SLC44A1: variants seen among roughly 807,000 people sequenced by gnomAD.
SLC44A1 encodes the protein solute carrier family 44 member 1, also known as choline transporter-like protein 1.
Under a neutral mutation model 79.3 loss-of-function variants are expected in SLC44A1, and 26 were observed. The ratio of observed to expected loss-of-function variants is 0.33; its 90% CI spans 0.24 to 0.46. The LOEUF (loss-of-function observed/expected upper bound fraction) is 0.46. Ranked by LOEUF, SLC44A1 falls within the 20% of genes least tolerant of loss-of-function variation. The pLI, the probability that SLC44A1 is intolerant of heterozygous loss-of-function variation, is 1.00. For synonymous variants in SLC44A1, 263 were observed against 286.2 expected, an observed-to-expected ratio of 0.92 and a Z score of 0.82; for missense variants, 688 against 798.1, an observed-to-expected ratio of 0.86 and a Z score of 1.66.
intron 1 of SLC44A1, among the ~76,000 whole-genome samples, chr9:105,257,065 T>G (rs559773048): frequency 7.3e-6 from 1 of 136,074 alleles, no homozygotes; most frequent in Non-Finnish European, 1.6e-5. Flanking sequence ...GGATTACAGG[T>G]GTGAGCCACT....
chr9:105,409,508 G>A (rs1192656971), intron 15 of SLC44A1, among the ~76,000 whole-genome samples: 1 of 152,084 alleles, frequency 6.6e-6, no homozygotes, highest in Non-Finnish European at 1.5e-5. Context: ...AACAAAACAA[G>A]ACCCTGTCTC....
In SLC44A1 at chr9:105,335,455, G is replaced by A. The variant is rs369117168; in HGVS notation, c.270-108G>A. 50 of 731,104 alleles carry A rather than the reference G, an allele frequency of 6.8e-5. No individual in the cohort carries two copies. In the Middle Eastern group the frequency reaches 8.4e-4, roughly 12 times the overall value. 45.3% of individuals were successfully genotyped at this position (731,104 alleles called of 1,614,324 possible). A position where few individuals can be genotyped will look rare whatever the true frequency, so the allele number is the denominator to read the frequency against. On this transcript the variant is annotated intron_variant, in intron 3 of 15. Coordinates refer to ENST00000374720, the MANE Select transcript of SLC44A1 (RefSeq NM_080546.5). ...ATGTATTTATGATGAGATTTTTATC[G>A]TGGAGGAATGTGGAATAGATGTTCT...
intron 2 of SLC44A1, chr9:105,299,935 A>G: frequency 1.0e-6 from 1 of 985,502 alleles, no homozygotes; most frequent in African/African-American, 1.7e-5. Flanking sequence ...TTGCTGGTAT[A>G]AGGTATTAAG....
At chr9:105,286,408 A>G (rs1384406192) in intron 1 of SLC44A1, among the ~76,000 whole-genome samples, 3 of 152,208 alleles carry the variant, frequency 2.0e-5, no homozygotes, top group Non-Finnish European at 1.5e-5. Flanking sequence ...CATCAACTTC[A>G]TAACACTTGT....
chr9:105,261,973 C>T (rs900325078), intron 1 of SLC44A1, among the ~76,000 whole-genome samples: 9 of 151,752 alleles, frequency 5.9e-5, no homozygotes, highest in East Asian at 1.9e-4. Flanking sequence ...TTAGTTGAGA[C>T]GGGGTTTCAC....
At chr9:105,430,067 C>T (rs1450678838) in intron 15 of SLC44A1, among the ~76,000 whole-genome samples, 1 of 151,978 alleles carries the variant, frequency 6.6e-6, no homozygotes, top group Non-Finnish European at 1.5e-5. Flanking sequence ...CCGCCAATGC[C>T]CGGCGAATTT....
chr9:105,351,576 GAAA>G (rs1356009726), intron 5 of SLC44A1, among the ~76,000 whole-genome samples: 16 of 128,876 alleles, frequency 1.2e-4, no homozygotes, highest in Middle Eastern at 4.0e-3. Context: ...GAGAAAGAGA[GAAA>G]GAGAGAAAGA....
At chr9:105,253,973 G>A (rs391386) in intron 1 of SLC44A1, among the ~76,000 whole-genome samples, 3,131 of 152,062 alleles carry the variant, frequency 0.021, 39 homozygotes, top group Middle Eastern at 0.089. Flanking sequence ...TGCCTGCCTC[G>A]GCCTCCCAAA....
At chr9:105,304,269 A>G (rs1300219015) in intron 2 of SLC44A1, among the ~76,000 whole-genome samples, 2 of 152,216 alleles carry the variant, frequency 1.3e-5, no homozygotes, top group East Asian at 3.9e-4. Flanking sequence ...GATTCACTGC[A>G]GTATTTAGAC....
chr9:105,297,041 C>T (rs1004681230), intron 1 of SLC44A1, among the ~76,000 whole-genome samples: 2 of 152,150 alleles, frequency 1.3e-5, no homozygotes, highest in Admixed American at 1.3e-4. Context: ...CTACATTCCT[C>T]TGGGAAAAAA....
In SLC44A1 at chr9:105,366,358, G is replaced by A; in HGVS notation, c.1423G>A (p.Ala475Thr). The A allele has an allele frequency of 6.6e-7, 1 of 1,507,508 alleles. No individual in the cohort carries two copies. The highest frequency in any genetic ancestry group is 1.4e-5 in the African/African-American group (1 of 70,144). 93.4% of individuals were successfully genotyped at this position (1,507,508 alleles called of 1,614,324 possible). ...TTCCCCCATCCAGGAAAATGCTTGT[G>A]CACGATGTGTGCTGAAATCTTGCAT... Reference protein sequence around the residue: ...SQLKGKENACARCVLKSCICC... With the variant: ...SQLKGKENACTRCVLKSCICC... Residue 475 changes from alanine to threonine, a missense_variant, in exon 12 of 16, where the codon GCA becomes ACA. By Grantham distance (58) the Ala-to-Thr change is moderately conservative (BLOSUM62 0). Transcript: ENST00000374720.
At chr9:105,423,166 C>T (rs892969621) in intron 15 of SLC44A1, among the ~76,000 whole-genome samples, 1 of 152,076 alleles carries the variant, frequency 6.6e-6, no homozygotes, top group East Asian at 1.9e-4. Context: ...ATGGGCCAGG[C>T]GTGGTGGCTC....
intron 13 of SLC44A1, among the ~76,000 whole-genome samples, chr9:105,378,596 T>C (rs1467419073): frequency 6.6e-6 from 1 of 152,078 alleles, no homozygotes; most frequent in East Asian, 1.9e-4. Context: ...TTTATAATAT[T>C]TCAAATGACT....
At chr9:105,264,393 T>C (rs947599544) in intron 1 of SLC44A1, among the ~76,000 whole-genome samples, 2 of 152,178 alleles carry the variant, frequency 1.3e-5, no homozygotes, top group Admixed American at 1.3e-4. Context: ...TCTCAAACTC[T>C]GGGGCTCAAG....
At chr9:105,372,621 T>G (rs1274947203) in intron 12 of SLC44A1, among the ~76,000 whole-genome samples, 1 of 151,458 alleles carries the variant, frequency 6.6e-6, no homozygotes, top group East Asian at 2.0e-4. Context: ...GCACCATAAT[T>G]TATTTCCTAT....
chr9:105,301,956 C>T (rs1421779499), intron 2 of SLC44A1, among the ~76,000 whole-genome samples: 1 of 152,124 alleles, frequency 6.6e-6, no homozygotes. Context: ...TTTTTTGATA[C>T]CTATGGTCTA....
At chr9:105,329,299 G>A (rs1826678552) in intron 3 of SLC44A1, among the ~76,000 whole-genome samples, 2 of 152,194 alleles carry the variant, frequency 1.3e-5, no homozygotes, top group African/African-American at 4.8e-5. Context: ...TAAAGCAGAA[G>A]GTGACAGAGG....
At chr9:105,365,795 T>C (rs560294927) in intron 11 of SLC44A1, among the ~76,000 whole-genome samples, 156 bp downstream of exon 11, 2 of 152,320 alleles carry the variant, frequency 1.3e-5, no homozygotes, top group East Asian at 3.9e-4. Flanking sequence ...CTCCCACTCA[T>C]GCACTCCATA....
At chr9:105,356,040 A>G in intron 5 of SLC44A1, 172 bp from the exon 6 acceptor site, 1 of 601,944 alleles carries the variant, frequency 1.7e-6, no homozygotes, top group East Asian at 2.8e-5. Flanking sequence ...TTGCATCACT[A>G]CCCATGACAG....
Sources: gnomAD v4.1 joint callset for allele counts (sites outside exome capture counted in the v4.1 genomes callset) on GRCh38, gnomAD v4.1.1 for gene constraint, MANE v1.5 for transcripts, NCBI Gene and HGNC (gene_info 2026-07-23, HGNC 2026-07-21) for gene names.